Variants in CHCHD6 observed in about 807,000 individuals in gnomAD.
CHCHD6 encodes the protein coiled-coil-helix-coiled-coil-helix domain containing 6, also known as MICOS complex subunit MIC25.
A neutral mutation model predicts 32.3 loss-of-function variants in CHCHD6; 28 were observed. The ratio of observed to expected loss-of-function variants is 0.87; its 90% CI spans 0.64 to 1.19. The LOEUF (loss-of-function observed/expected upper bound fraction) is 1.19, where lower values mean the gene tolerates loss of function less well. CHCHD6 is among the 50% of genes most tolerant of loss of function. The probability of loss-of-function intolerance (pLI) is 0.00; values close to 1 mark genes in which losing one functional copy is unlikely to be tolerated. For missense variants in CHCHD6, 333 were observed against 307.0 expected, an observed-to-expected ratio of 1.08 and a Z score of -0.63; for synonymous variants, 122 against 117.5, an observed-to-expected ratio of 1.04 and a Z score of -0.25.
At chr3:126,824,727 C>T (rs916947310) in intron 4 of CHCHD6, among the ~76,000 whole-genome samples, 7 of 151,654 alleles carry the variant, frequency 4.6e-5, no homozygotes, top group East Asian at 1.9e-4. Flanking sequence ...GCTGGGATTA[C>T]GCCACCACAC....
At chr3:126,956,345 C>T (rs2078782856) in intron 6 of CHCHD6, among the ~76,000 whole-genome samples, 1 of 152,304 alleles carries the variant, frequency 6.6e-6, no homozygotes, top group Non-Finnish European at 1.5e-5. Context: ...GCCTAAAACC[C>T]ACTTAAGAAA....
chr3:126,816,534 C>G (rs1939910864), intron 4 of CHCHD6, among the ~76,000 whole-genome samples: 1 of 152,058 alleles, frequency 6.6e-6, no homozygotes, highest in Admixed American at 6.6e-5. Context: ...AGGCTGTGAA[C>G]CCTTTCAGGT....
At chr3:126,935,023 C>A in intron 6 of CHCHD6, 1 of 507,572 alleles carries the variant, frequency 2.0e-6, no homozygotes, top group Non-Finnish European at 2.6e-6. Flanking sequence ...TGAAACAGTT[C>A]CATTTTAAAG....
At chr3:126,741,859 C>G (rs1228388164) in intron 4 of CHCHD6, among the ~76,000 whole-genome samples, 1 of 152,154 alleles carries the variant, frequency 6.6e-6, no homozygotes, top group African/African-American at 2.4e-5. Context: ...ATGTGGCTCC[C>G]TGTGGTCCTC....
At chr3:126,945,694 C>T (rs994061292) in intron 6 of CHCHD6, among the ~76,000 whole-genome samples, 12 of 108,304 alleles carry the variant, frequency 1.1e-4, no homozygotes, top group Non-Finnish European at 1.8e-4. Context: ...GGGGAAGACT[C>T]AAGCGGGGAG....
intron 7 of CHCHD6, among the ~76,000 whole-genome samples, chr3:126,959,826 T>G (rs1250085079): frequency 6.6e-6 from 1 of 152,178 alleles, no homozygotes; most frequent in East Asian, 1.9e-4. Context: ...AGGGGAGGCC[T>G]TGATGAGGCA....
intron 5 of CHCHD6, among the ~76,000 whole-genome samples, chr3:126,860,459 G>T (rs550752799): frequency 6.6e-6 from 1 of 151,734 alleles, no homozygotes; most frequent in East Asian, 1.9e-4. Context: ...GTTGGGGAAA[G>T]GGGGGAGGGA....
chr3:126,761,164 A>T (rs938586445), intron 4 of CHCHD6, among the ~76,000 whole-genome samples: 6 of 152,160 alleles, frequency 3.9e-5, no homozygotes, highest in African/African-American at 7.2e-5. Context: ...CATAAGTAAA[A>T]TTGTTGGATC....
At chr3:126,875,593 G>A (rs955641287) in intron 5 of CHCHD6, among the ~76,000 whole-genome samples, 3 of 152,210 alleles carry the variant, frequency 2.0e-5, no homozygotes, top group Non-Finnish European at 2.9e-5. Context: ...AAAGACTCCC[G>A]AGGCTTCTGG....
chr3:126,716,506 A>G (rs1022419856), intron 1 of CHCHD6, among the ~76,000 whole-genome samples: 1 of 151,894 alleles, frequency 6.6e-6, no homozygotes, highest in African/African-American at 2.4e-5. Flanking sequence ...ACCCTGCTTG[A>G]CCATGAGCTC....
At chr3:126,758,974 G>A (rs151298646) in intron 4 of CHCHD6, among the ~76,000 whole-genome samples, 7 of 152,288 alleles carry the variant, frequency 4.6e-5, no homozygotes, top group Admixed American at 6.5e-5. Context: ...GCTTTGGATC[G>A]CATCTGTGGG....
intron 1 of CHCHD6, among the ~76,000 whole-genome samples, chr3:126,712,133 C>T (rs759917379): frequency 7.2e-5 from 11 of 152,156 alleles, no homozygotes; most frequent in Non-Finnish European, 1.2e-4. Context: ...GTAGATTTCC[C>T]GCTGGTGCGT....
intron 4 of CHCHD6, among the ~76,000 whole-genome samples, chr3:126,734,647 G>T (rs1301221035): frequency 6.6e-6 from 1 of 152,222 alleles, no homozygotes; most frequent in Non-Finnish European, 1.5e-5. Flanking sequence ...TTTGAAAAAG[G>T]CCAGATTGGT....
chr3:126,741,345 T>TG (rs1936282038), intron 4 of CHCHD6, among the ~76,000 whole-genome samples: 1 of 151,780 alleles, frequency 6.6e-6, no homozygotes, highest in Non-Finnish European at 1.5e-5. Flanking sequence ...TCAGTGATTT[T>TG]TTTTTTTTTT....
intron 1 of CHCHD6, among the ~76,000 whole-genome samples, chr3:126,707,005 G>T (rs1291205208): frequency 1.3e-5 from 2 of 152,164 alleles, no homozygotes; most frequent in African/African-American, 4.8e-5. Flanking sequence ...GGTGGCTCAT[G>T]CCTGTAATTT....
At chr3:126,847,673 G>A (rs965985568) in intron 4 of CHCHD6, among the ~76,000 whole-genome samples, 2 of 152,074 alleles carry the variant, frequency 1.3e-5, no homozygotes, top group African/African-American at 2.4e-5. Context: ...GCTTTTTGTG[G>A]TAACCAATTT....
chr3:126,803,768 C>G (rs956600815), intron 4 of CHCHD6, among the ~76,000 whole-genome samples: 3 of 152,164 alleles, frequency 2.0e-5, no homozygotes, highest in African/African-American at 7.2e-5. Context: ...ACATTTTTGT[C>G]AGCACCACAC....
intron 4 of CHCHD6, among the ~76,000 whole-genome samples, chr3:126,755,640 C>A (rs1281412853): frequency 4.6e-5 from 7 of 152,066 alleles, no homozygotes; most frequent in African/African-American, 1.7e-4. Flanking sequence ...ATTTGTGTGA[C>A]TTAAAAAAAT....
chr3:126,808,132 G>A (rs116037719), intron 4 of CHCHD6, among the ~76,000 whole-genome samples: 2,750 of 152,292 alleles, frequency 0.018, 31 homozygotes, highest in Middle Eastern at 0.051. Flanking sequence ...GCTTGTTGGG[G>A]GTTGGATCCA....
Sources: allele counts gnomAD v4.1 joint callset (sites outside exome capture counted in the v4.1 genomes callset), GRCh38; gene constraint gnomAD v4.1.1; transcripts MANE v1.5; gene names NCBI Gene and HGNC (gene_info 2026-07-23, HGNC 2026-07-21).